The following LTBP4 variants were observed in gnomAD, a reference collection of about 807,000 sequenced individuals.
LTBP4 encodes latent transforming growth factor beta binding protein 4.
LTBP4 carries 93 observed loss-of-function variants against 180.2 expected under a neutral mutation model. The ratio of observed to expected loss-of-function variants is 0.52; its 90% CI spans 0.44 to 0.61. LTBP4 has a LOEUF of 0.61. Among genes scored for constraint, LTBP4 ranks in the 20% least tolerant of loss-of-function variants. The pLI is 0.00. For missense variants in LTBP4, 2,116 were observed against 2,256.5 expected (o/e 0.94, Z 1.26); for synonymous variants, 947 against 934.5 (o/e 1.01, Z -0.24).
intron 7 of LTBP4, 122 bp downstream of exon 7, chr19:40,607,651 G>A (rs2081473473): frequency 1.7e-6 from 2 of 1,157,756 alleles, no homozygotes; most frequent in Non-Finnish European, 2.4e-6. Context: ...CCTTGGCCAC[G>A]CAGCAGCCTC....
rs2303728 is a variant in LTBP4 at position 40,608,159 on chromosome 19, G to T, written c.1157-61G>T. The T allele has an allele frequency of 0.21, 337,959 of 1,587,948 alleles. 37,419 individuals are homozygous for T. Among genetic ancestry groups the T allele is most frequent in the South Asian group, 0.31 (27,504 of 89,736 alleles). Reference sequence around the variant, plus strand: ...GCCCCTAGCCAAGGCCAGAGTCTGGGCTGGCCATCGTTTTCTTCCCGCTCT... The same window carrying T: ...GCCCCTAGCCAAGGCCAGAGTCTGGTCTGGCCATCGTTTTCTTCCCGCTCT... On this transcript the variant is annotated intron_variant, in intron 7 of 29. Transcript: ENST00000396819.
At chr19:40,599,542 C>T, upstream of LTBP4, 1 of 1,609,464 alleles carries the variant, frequency 6.2e-7, no homozygotes. Context: ...TGTCCCTCAA[C>T]TGGCAGCCAC....
At chr19:40,617,643 C>G (rs796533237) in intron 21 of LTBP4, among the ~76,000 whole-genome samples, 6 of 118,792 alleles carry the variant, frequency 5.1e-5, no homozygotes, top group African/African-American at 8.6e-5. Flanking sequence ...GACCCTGTCT[C>G]AAAAAAAAAA....
Position 40,622,888 on chromosome 19 carries a change from G to T in LTBP4, c.3485-62G>T, listed in dbSNP as rs368195044. On this transcript the variant is annotated intron_variant, in intron 23 of 29. Transcript: ENST00000396819. This position sits in a 1 kb window ranked among gnomAD's most constrained non-coding sequence, Gnocchi z 5.1. ...AGGGACTTTTGTGACAAGTGGGCAC[G>T]AGCAGGTCAGGGCTGGGGCTGGGGC... 6 of 1,540,224 alleles carry T rather than the reference G, an allele frequency of 3.9e-6. No homozygotes were observed. Among genetic ancestry groups the T allele is most frequent in the South Asian group, 1.2e-5 (1 of 86,248 alleles).
In LTBP4 at chr19:40,622,175, G is replaced by A. The variant is rs372071815; in HGVS notation, c.3218-226G>A. ...CACCCAAGCTGTTAGCTGCAGTGAC[G>A]GGAAAGTGTGAGGTGGGGAGGCAAG... On this transcript the variant is annotated intron_variant, in intron 22 of 29. Coordinates refer to ENST00000396819, the MANE Select transcript of LTBP4 (RefSeq NM_001042545.2). This position sits in a 1 kb window ranked among gnomAD's most constrained non-coding sequence, Gnocchi z 5.1. 7.7e-4 allele frequency among the ~76,000 whole-genome samples: 118 copies of A among 152,328 alleles called. 1 individual carries two copies. The South Asian group carries it at 0.016, about 21-fold the overall frequency.
Position 40,606,537 on chromosome 19 carries a change from A to T in LTBP4, c.991+11A>T. 2 of 1,559,584 alleles carry T rather than the reference A, an allele frequency of 1.3e-6. No homozygotes were observed. Among genetic ancestry groups the T allele is most frequent in the Non-Finnish European group, 1.7e-6 (2 of 1,152,980 alleles). ...GCAGCAGCTGCATCTGTGAGCAACCAGCAGGGAGCTGAGGCTGGGTCCCGC... is the reference window on the plus strand; with the variant it reads ...GCAGCAGCTGCATCTGTGAGCAACCTGCAGGGAGCTGAGGCTGGGTCCCGC... On this transcript the variant is annotated intron_variant, in intron 6 of 29. Transcript: ENST00000396819.
rs758035876 is a variant in LTBP4 at position 40,609,716 on chromosome 19, C to T, written c.1559-30C>T. On this transcript the variant is annotated intron_variant, in intron 10 of 29. Coordinates refer to ENST00000396819, the MANE Select transcript of LTBP4 (RefSeq NM_001042545.2). The surrounding 1 kb of genome is among the most constrained non-coding windows in gnomAD (Gnocchi z 4.9). ...CGGGGCGGGGGGCTTTGCCTGGTCA[C>T]CTTGTCACCAGCCCCCTCCGTGTCC... is the stretch of plus-strand genomic sequence containing the variant. The T allele has an allele frequency of 9.3e-6, 15 of 1,611,324 alleles. No individual in the cohort carries two copies. In the East Asian group the frequency reaches 3.1e-4, roughly 34 times the overall value.
Position 40,629,618 on chromosome 19 carries a change from C to T in LTBP4, c.*68C>T, listed in dbSNP as rs1027269525. The T allele has an allele frequency of 7.2e-5, 94 of 1,309,582 alleles. No homozygotes were observed. The highest frequency in any genetic ancestry group is 8.6e-5 in the Non-Finnish European group (88 of 1,028,636). The allele number at this position is 1,309,582 out of a possible 1,614,324, so 81.1% of individuals were successfully genotyped here. A position where few individuals can be genotyped will look rare whatever the true frequency, so the allele number is the denominator to read the frequency against. On this transcript the variant is annotated 3_prime_UTR_variant, in exon 30 of 30. Coordinates refer to ENST00000396819, the MANE Select transcript of LTBP4 (RefSeq NM_001042545.2). The surrounding 1 kb of genome is among the most constrained non-coding windows in gnomAD (Gnocchi z 4.5). ...GGCCCCTGCCGCGCATCCTGCAGCC[C>T]GCTTATGCGTATGTGCACGGGGCCG...
rs866900124 is a variant in LTBP4 at position 40,605,803 on chromosome 19, C to T, written c.765C>T (p.His255=). 1 of 1,539,800 alleles carries T rather than the reference C, an allele frequency of 6.5e-7. No homozygotes were observed. The highest frequency in any genetic ancestry group is 8.7e-7 in the Non-Finnish European group (1 of 1,146,770). The stretch of plus-strand genomic sequence containing the variant: ...GGGCCGGCTTGGCCTGGGGCGTTCA[C>T]GACTGTCAGCTGTGCTCCGAGCGCC... ...CRGAGLAWGV[H]DCQLCSERLG... is the part of the protein sequence containing the mutation. Residue 255 remains histidine, a synonymous_variant, in exon 4 of 30, where the codon CAC becomes CAT. Coordinates refer to ENST00000396819, the MANE Select transcript of LTBP4 (RefSeq NM_001042545.2). This position sits in a 1 kb window ranked among gnomAD's most constrained non-coding sequence, Gnocchi z 5.5.
chr19:40,629,800 A>G lies in LTBP4; in HGVS notation c.*250A>G. On this transcript the variant is annotated 3_prime_UTR_variant, in exon 30 of 30. Transcript: ENST00000396819. The surrounding 1 kb of genome is among the most constrained non-coding windows in gnomAD (Gnocchi z 4.5). ...TCTCCCTTTTATAAAATTTTCCATTAAAAACCACCTATTTTCTATCTTTTG... is the reference window on the plus strand; with the variant it reads ...TCTCCCTTTTATAAAATTTTCCATTGAAAACCACCTATTTTCTATCTTTTG... The G allele has an allele frequency of 3.0e-6, 1 of 332,212 alleles. No homozygotes were observed. 20.6% of individuals were successfully genotyped at this position (332,212 alleles called of 1,614,324 possible). A position where few individuals can be genotyped will look rare whatever the true frequency, so the allele number is the denominator to read the frequency against.
chr19:40,605,845 C>G lies in LTBP4; in HGVS notation c.793+14C>G. 6.5e-7 allele frequency: 1 copy of G among 1,535,858 alleles called. No homozygotes were observed. Among genetic ancestry groups the G allele is most frequent in the Non-Finnish European group, 8.7e-7 (1 of 1,146,252 alleles). The stretch of plus-strand genomic sequence containing the variant: ...CCGAGCGCCTGGGTAAGCCCCAGGA[C>G]GTCCCCGAAGTGCTCGGAGCTGGGG... On this transcript the variant is annotated intron_variant, in intron 4 of 29. Transcript: ENST00000396819. This position sits in a 1 kb window ranked among gnomAD's most constrained non-coding sequence, Gnocchi z 5.5.
Position 40,605,890 on chromosome 19 carries a change from TTCC to T in LTBP4, c.793+64_793+66del. The T allele has an allele frequency of 6.7e-7, 1 of 1,488,058 alleles. No homozygotes were observed. Among genetic ancestry groups the T allele is most frequent in the Admixed American group, 2.0e-5 (1 of 49,512 alleles). 92.2% of individuals were successfully genotyped at this position (1,488,058 alleles called of 1,614,324 possible). A position where few individuals can be genotyped will look rare whatever the true frequency, so the allele number is the denominator to read the frequency against. ...CTGGGGAGTGGTGACAACCTCACCG[TTCC>T]TCCTACTCTGCCCTAGATAAACCCA... On this transcript the variant is annotated intron_variant, in intron 4 of 29. Transcript: ENST00000396819. This position sits in a 1 kb window ranked among gnomAD's most constrained non-coding sequence, Gnocchi z 5.5.
Position 40,613,447 on chromosome 19 carries a change from C to T in LTBP4, c.2475C>T (p.Gly825=), listed in dbSNP as rs368356734. The T allele has an allele frequency of 2.1e-5, 34 of 1,603,148 alleles. No individual in the cohort carries two copies. In the African/African-American group the frequency reaches 3.1e-4, roughly 15 times the overall value. The change falls in exon 17 of 30, where the codon GGC becomes GGT. Residue 825 remains glycine (G), a synonymous_variant. Coordinates refer to ENST00000396819, the MANE Select transcript of LTBP4 (RefSeq NM_001042545.2). The surrounding 1 kb of genome is among the most constrained non-coding windows in gnomAD (Gnocchi z 5.0). ...CLEGDFCFPH[G]ECLNTDGSFA... is the part of the protein sequence containing the mutation. ...AGGGCGATTTCTGCTTCCCTCACGG[C>T]GAGTGCCTCAACACTGACGGCTCCT...
chr19:40,613,333 A>G lies in LTBP4; in HGVS notation c.2432-71A>G. The G allele has an allele frequency of 3.8e-6, 6 of 1,561,120 alleles. No homozygotes were observed. Among genetic ancestry groups the G allele is most frequent in the Non-Finnish European group, 4.3e-6 (5 of 1,153,888 alleles). ...ACCTGGCATTGGTGGGGGCGGGGTT[A>G]CTGCGATGTGGGCGGAGCTTGTCTG... is the stretch of plus-strand genomic sequence containing the variant. On this transcript the variant is annotated intron_variant, in intron 16 of 29. Coordinates refer to ENST00000396819, the MANE Select transcript of LTBP4 (RefSeq NM_001042545.2). The surrounding 1 kb of genome is among the most constrained non-coding windows in gnomAD (Gnocchi z 5.0).
At chr19:40,606,891 G>T (rs1360440309) in intron 6 of LTBP4, among the ~76,000 whole-genome samples, 2 of 152,194 alleles carry the variant, frequency 1.3e-5, no homozygotes, top group African/African-American at 4.8e-5. Flanking sequence ...AGAACTACAG[G>T]CGGGCACCAC....
At chr19:40,620,292 G>T (rs1410924291) in intron 22 of LTBP4, among the ~76,000 whole-genome samples, 1 of 151,190 alleles carries the variant, frequency 6.6e-6, no homozygotes, top group Admixed American at 6.6e-5. Flanking sequence ...AGGCCGGAGT[G>T]CAGTGGCGTG....
In LTBP4 at chr19:40,609,502, G is replaced by A. The variant is rs764211962; in HGVS notation, c.1427-28G>A. On this transcript the variant is annotated intron_variant, in intron 9 of 29. Transcript: ENST00000396819. The surrounding 1 kb of genome is among the most constrained non-coding windows in gnomAD (Gnocchi z 4.9). The stretch of plus-strand genomic sequence containing the variant: ...AAAGGAACGGAGGATTCAGAGATGG[G>A]GGAACCCTGGCTGACTGGACCCCCC... The A allele has an allele frequency of 8.7e-6, 14 of 1,607,104 alleles. No homozygotes were observed. The highest frequency in any genetic ancestry group is 1.2e-5 in the Non-Finnish European group (14 of 1,175,110).
At chr19:40,599,602 C>A, upstream of LTBP4, 1 of 1,571,000 alleles carries the variant, frequency 6.4e-7, no homozygotes, top group Non-Finnish European at 8.6e-7. Flanking sequence ...TCAGGAACTC[C>A]TAGCTTTGCC....
At chr19:40,624,290 T>TA (rs1425897405) in intron 26 of LTBP4, among the ~76,000 whole-genome samples, 1 of 109,906 alleles carries the variant, frequency 9.1e-6, no homozygotes, top group East Asian at 2.2e-4. Context: ...GCAAAAGTTT[T>TA]AGGGCAACCT....
Sources: allele counts gnomAD v4.1 joint callset (sites outside exome capture counted in the v4.1 genomes callset), GRCh38; gene constraint gnomAD v4.1.1; non-coding constraint Gnocchi (gnomAD v3.1); transcripts MANE v1.5; gene names NCBI Gene and HGNC (gene_info 2026-07-23, HGNC 2026-07-21).